The following SPTLC3 variants were observed in gnomAD, a reference collection of about 807,000 sequenced individuals.
The protein encoded by SPTLC3 is serine palmitoyltransferase 3.
Under a neutral mutation model 59.3 loss-of-function variants are expected in SPTLC3, and 36 were observed. That is an observed-to-expected ratio of 0.61 (90% CI 0.47 to 0.80). The LOEUF (loss-of-function observed/expected upper bound fraction) is 0.80. SPTLC3 is among the 30% of genes least tolerant of loss of function. The pLI, the probability that SPTLC3 is intolerant of heterozygous loss-of-function variation, is 0.00. For synonymous variants in SPTLC3, 257 were observed against 240.8 expected, an observed-to-expected ratio of 1.07 and a Z score of -0.62; for missense variants, 625 against 685.1, an observed-to-expected ratio of 0.91 and a Z score of 0.98.
intron 1 of SPTLC3, among the ~76,000 whole-genome samples, chr20:13,038,020 G>T (rs928681169): frequency 3.3e-4 from 45 of 135,162 alleles, no homozygotes; most frequent in Non-Finnish European, 6.7e-4. Flanking sequence ...TGCAAGAAAG[G>T]CTGGAAAATA....
At chr20:13,113,537 T>C (rs1990361856) in intron 7 of SPTLC3, among the ~76,000 whole-genome samples, 1 of 152,176 alleles carries the variant, frequency 6.6e-6, no homozygotes, top group Non-Finnish European at 1.5e-5. Context: ...TCCACAAAAC[T>C]AATAATAATA....
chr20:13,037,900 A>G (rs964108637), intron 1 of SPTLC3, among the ~76,000 whole-genome samples: 1 of 152,076 alleles, frequency 6.6e-6, no homozygotes, highest in African/African-American at 2.4e-5. Context: ...GTAGAGGAAG[A>G]GAGAGATGGA....
chr20:13,120,016 T>A (rs1016399983), intron 8 of SPTLC3, among the ~76,000 whole-genome samples: 1 of 152,264 alleles, frequency 6.6e-6, no homozygotes, highest in Non-Finnish European at 1.5e-5. Context: ...TTTAATTATG[T>A]TAAGTTTCAT....
chr20:13,165,142 G>A lies in SPTLC3; in HGVS notation c.*275G>A. The stretch of plus-strand genomic sequence containing the variant: ...CACACTTCTGAGAATATTTTTAATG[G>A]CAATAAGCCTGTGTTTTAGCTGCTA... On this transcript the variant is annotated 3_prime_UTR_variant, in exon 12 of 12. Transcript: ENST00000399002. The A allele has an allele frequency of 3.0e-6, 1 of 337,950 alleles. No individual in the cohort carries two copies. 20.9% of individuals were successfully genotyped at this position (337,950 alleles called of 1,614,324 possible).
chr20:13,089,614 C>T (rs766357602), intron 4 of SPTLC3, among the ~76,000 whole-genome samples: 18 of 151,890 alleles, frequency 1.2e-4, no homozygotes, highest in Admixed American at 3.3e-4. Flanking sequence ...GGTGAAACCT[C>T]GTCTCTACTA....
At chr20:13,143,628 A>G (rs772082737) in intron 9 of SPTLC3, among the ~76,000 whole-genome samples, 16 of 152,126 alleles carry the variant, frequency 1.1e-4, no homozygotes, top group Non-Finnish European at 2.4e-4. Flanking sequence ...CTTCCCCATC[A>G]ATTTTTCCCC....
At chr20:13,025,514 C>T (rs1001738420) in intron 1 of SPTLC3, among the ~76,000 whole-genome samples, 4 of 152,118 alleles carry the variant, frequency 2.6e-5, no homozygotes, top group Non-Finnish European at 5.9e-5. Context: ...AATAGTAGTG[C>T]CTACCCTATT....
At chr20:13,119,769 A>G (rs1029993899) in intron 8 of SPTLC3, among the ~76,000 whole-genome samples, 3 of 152,236 alleles carry the variant, frequency 2.0e-5, no homozygotes, top group Admixed American at 6.5e-5. Context: ...GCCCTAAAAC[A>G]GCAAGATGCA....
At chr20:13,050,368 C>T (rs1027632654) in intron 2 of SPTLC3, 2 of 152,112 alleles carry the variant, frequency 1.3e-5, no homozygotes, top group East Asian at 1.9e-4. Flanking sequence ...CGAATTAACC[C>T]AATTCAACAA....
chr20:13,147,401 CCT>C (rs2038540613), intron 9 of SPTLC3, among the ~76,000 whole-genome samples: 1 of 152,082 alleles, frequency 6.6e-6, no homozygotes, highest in Non-Finnish European at 1.5e-5. Flanking sequence ...TCTCTCTGCC[CCT>C]GAGTGTGTTG....
intron 11 of SPTLC3, among the ~76,000 whole-genome samples, chr20:13,162,840 A>G (rs1288895828): frequency 2.0e-5 from 3 of 152,152 alleles, no homozygotes; most frequent in Non-Finnish European, 4.4e-5. Context: ...GCTCAAATGC[A>G]GTGAGAAGCC....
At chr20:13,037,375 T>TGACC (rs1986781243) in intron 1 of SPTLC3, among the ~76,000 whole-genome samples, 1 of 152,176 alleles carries the variant, frequency 6.6e-6, no homozygotes, top group South Asian at 2.1e-4. Context: ...ATAAAGAATA[T>TGACC]GACCATAAGG....
At chr20:13,147,071 G>T (rs1024895611) in intron 9 of SPTLC3, among the ~76,000 whole-genome samples, 1 of 152,170 alleles carries the variant, frequency 6.6e-6, no homozygotes, top group Non-Finnish European at 1.5e-5. Flanking sequence ...TGGAGGCAGG[G>T]TGTTTTCCCA....
chr20:13,105,182 CAGA>C (rs1989812152), intron 6 of SPTLC3, among the ~76,000 whole-genome samples: 1 of 152,062 alleles, frequency 6.6e-6, no homozygotes, highest in Non-Finnish European at 1.5e-5. Flanking sequence ...AAGGTGGGGC[CAGA>C]ATCCAGGCCG....
intron 9 of SPTLC3, among the ~76,000 whole-genome samples, chr20:13,144,526 G>A (rs369953584): frequency 5.3e-5 from 8 of 152,230 alleles, no homozygotes; most frequent in Admixed American, 2.0e-4. Context: ...AGAACCTAAC[G>A]CACAAATCTA....
intron 1 of SPTLC3, among the ~76,000 whole-genome samples, chr20:13,025,138 A>G (rs892048886): frequency 6.6e-6 from 1 of 152,204 alleles, no homozygotes; most frequent in African/African-American, 2.4e-5. Context: ...GTCAGAGAAA[A>G]TAATTATACA....
At chr20:13,154,254 C>T (rs1420419201) in intron 10 of SPTLC3, 116 bp downstream of exon 10, 1 of 1,335,210 alleles carries the variant, frequency 7.5e-7, no homozygotes, top group African/African-American at 1.5e-5. Context: ...TCAGAATTCA[C>T]TCGTACGGCT....
chr20:13,143,681 C>A lies in SPTLC3; in HGVS notation c.1280-10322C>A, dbSNP rs555798666. Among the ~76,000 whole-genome samples, 32 of 152,324 alleles carry A rather than the reference C, an allele frequency of 2.1e-4. No homozygotes were observed. The South Asian group carries it at 6.2e-3, about 30-fold the overall frequency. The stretch of plus-strand genomic sequence containing the variant: ...GCCTGTTCAGTGCATCCTACCCTAG[C>A]AAAGCTCTGGAAACCAAAAGGTTTT... On this transcript the variant is annotated intron_variant, in intron 9 of 11. Transcript: ENST00000399002.
In SPTLC3 at chr20:13,138,582, C is replaced by G. The variant is rs1384300941; in HGVS notation, c.1279+11865C>G. Among the ~76,000 whole-genome samples, 8 of 152,204 alleles carry G rather than the reference C, an allele frequency of 5.3e-5. No individual in the cohort carries two copies. The East Asian group carries it at 1.5e-3, about 29-fold the overall frequency. ...TGGGCACCGAACACTATACTTGGGA[C>G]TAAGCAGATTTTCTGACAAGCTTGG... On this transcript the variant is annotated intron_variant, in intron 9 of 11. Transcript: ENST00000399002.
Sources: gnomAD v4.1 joint callset for allele counts (sites outside exome capture counted in the v4.1 genomes callset) on GRCh38, gnomAD v4.1.1 for gene constraint, MANE v1.5 for transcripts, NCBI Gene and HGNC (gene_info 2026-07-23, HGNC 2026-07-21) for gene names.